The following MYOM1 variants were observed in gnomAD, a reference collection of about 807,000 sequenced individuals.
The protein encoded by MYOM1 is myomesin 1.
MYOM1 carries 164 observed loss-of-function variants against 205.3 expected under a neutral mutation model. The ratio of observed to expected loss-of-function variants is 0.80; its 90% CI spans 0.70 to 0.91. The LOEUF (loss-of-function observed/expected upper bound fraction) is 0.91, where lower values mean the gene tolerates loss of function less well. Among genes scored for constraint, MYOM1 ranks in the 40% least tolerant of loss-of-function variants. The pLI, the probability that MYOM1 is intolerant of heterozygous loss-of-function variation, is 0.00. For synonymous variants in MYOM1, 772 were observed against 789.4 expected, an observed-to-expected ratio of 0.98 and a Z score of 0.37; for missense variants, 2,011 against 2,127.3, an observed-to-expected ratio of 0.95 and a Z score of 1.08.
At chr18:3,086,177 T>C in intron 29 of MYOM1, 26 bp from the exon 30 acceptor site, 1 of 1,447,384 alleles carries the variant, frequency 6.9e-7, no homozygotes, top group African/African-American at 1.4e-5. Flanking sequence ...TAATTACTTT[T>C]CTTAAAATAA....
At chr18:3,194,025 G>A (rs2080958554) in intron 2 of MYOM1, 67 bp from the exon 3 acceptor site, 1 of 1,524,630 alleles carries the variant, frequency 6.6e-7, no homozygotes, top group South Asian at 1.2e-5. Flanking sequence ...AAATACGATA[G>A]AGGAAGTTTT....
At chr18:3,190,254 G>A (rs985452141) in intron 3 of MYOM1, 2 of 152,120 alleles carry the variant, frequency 1.3e-5, no homozygotes, top group African/African-American at 4.8e-5. Context: ...CAAATGTTTC[G>A]TGAGAGAGTG....
At chr18:3,240,553 G>A in the MYOM1 span, among the ~76,000 whole-genome samples, 1 of 152,216 alleles carries the variant, frequency 6.6e-6, no homozygotes, top group African/African-American at 2.4e-5. Context: ...ACATGGAAAT[G>A]TAAGTCCACT....
intron 31 of MYOM1, among the ~76,000 whole-genome samples, 174 bp from the exon 32 acceptor site, chr18:3,084,201 C>T (rs2079123118): frequency 6.6e-6 from 1 of 152,122 alleles, no homozygotes; most frequent in African/African-American, 2.4e-5. Flanking sequence ...TCAATTTTAT[C>T]AGGTTTTAAA....
At position 3,187,554 on chromosome 18, in the gene MYOM1, G is replaced by C. The variant is rs1264856298; in HGVS notation, c.855C>G (p.Ser285=). 3.7e-6 allele frequency: 6 copies of C among 1,613,824 alleles called. No homozygotes were observed. Among genetic ancestry groups the C allele is most frequent in the Non-Finnish European group, 5.1e-6 (6 of 1,179,826 alleles). ...HAPEFIIKPR[S]HTVWEKENVK... is the part of the protein sequence containing the mutation. ...CATTCTCCTTCTCCCAAACCGTGTG[G>C]GAGCGAGGTTTAATGATAAACTCAG... The change falls in exon 5 of 38, where the codon TCC becomes TCG. Residue 285 remains serine, a synonymous_variant. Transcript: ENST00000356443.
intron 5 of MYOM1, among the ~76,000 whole-genome samples, chr18:3,182,626 G>C (rs184691526): frequency 6.3e-4 from 96 of 152,176 alleles, no homozygotes; most frequent in African/African-American, 2.2e-3. Flanking sequence ...CTTTGACAAG[G>C]CTCCCCCTCA....
the MYOM1 span, among the ~76,000 whole-genome samples, chr18:3,238,309 C>T: frequency 1.1e-4 from 17 of 152,186 alleles, 1 homozygote; most frequent in South Asian, 1.7e-3. Context: ...ACAGAGCTCA[C>T]GCAGTAATGT....
chr18:3,184,916 C>T (rs1178266611), intron 5 of MYOM1, among the ~76,000 whole-genome samples: 2 of 152,184 alleles, frequency 1.3e-5, no homozygotes, highest in African/African-American at 2.4e-5. Flanking sequence ...AGGACATAAA[C>T]TTCACATGTA....
chr18:3,221,026 T>C (rs918304489), upstream of MYOM1, among the ~76,000 whole-genome samples: 2 of 152,192 alleles, frequency 1.3e-5, no homozygotes, highest in Non-Finnish European at 2.9e-5. Context: ...CTATCAAAAT[T>C]GTTTTTCTTT....
chr18:3,110,739 T>A (rs1042844933), intron 22 of MYOM1, among the ~76,000 whole-genome samples: 2 of 36,246 alleles, frequency 5.5e-5, no homozygotes, highest in Non-Finnish European at 1.0e-4. Context: ...TTCTTTTTTT[T>A]CTTTTTTTTT....
chr18:3,129,480 T>A lies in MYOM1; in HGVS notation c.2546A>T (p.Asp849Val). ...GGAGGCGGTTAGTCCACCAGGCTCA[T>A]CGCTCAGTGCGGGACACACATCTGG... is the stretch of plus-strand genomic sequence containing the variant. ...VSPDVCPALS[D>V]EPGGLTASRG... Residue 849 changes from aspartate (D) to valine (V), a missense_variant, in exon 18 of 38, where the codon GAT becomes GTT. Physicochemically the swap from Asp to Val is radical, Grantham distance 152. Transcript: ENST00000356443. The A allele has an allele frequency of 6.2e-7, 1 of 1,613,864 alleles. No individual in the cohort carries two copies. The highest frequency in any genetic ancestry group is 8.5e-7 in the Non-Finnish European group (1 of 1,179,834).
Position 3,119,479 on chromosome 18 carries a change from G to A in MYOM1, c.3118+390C>T, listed in dbSNP as rs760870951. 4.6e-5 allele frequency among the ~76,000 whole-genome samples: 7 copies of A among 152,294 alleles called. No homozygotes were observed. The South Asian group carries it at 1.5e-3, about 32-fold the overall frequency. On this transcript the variant is annotated intron_variant, in intron 20 of 37. Transcript: ENST00000356443. ...CAATATATGAGAACAAAGAAGTGCA[G>A]GGAGAAGTGTTTGAGAAATTTTGCT...
At chr18:3,205,586 G>C (rs540794743) in intron 2 of MYOM1, among the ~76,000 whole-genome samples, 1 of 152,214 alleles carries the variant, frequency 6.6e-6, no homozygotes, top group South Asian at 2.1e-4. Flanking sequence ...ACAAGGATGT[G>C]GATAAACTAG....
chr18:3,151,597 C>T, intron 12 of MYOM1, 97 bp downstream of exon 12: 1 of 1,063,768 alleles, frequency 9.4e-7, no homozygotes, highest in East Asian at 2.5e-5. Context: ...TTGTCTCCCT[C>T]TAGTGGAAGG....
chr18:3,161,640 C>A (rs961170166), intron 10 of MYOM1, among the ~76,000 whole-genome samples: 1 of 152,218 alleles, frequency 6.6e-6, no homozygotes, highest in Non-Finnish European at 1.5e-5. Flanking sequence ...GAAGAGGCAT[C>A]TGGATCATAC....
rs2079335311 is a variant in MYOM1 at position 3,098,492 on chromosome 18, T to C, written c.3727+1667A>G. ...TGGGGTTTCACTATGTTGGTCAGGC[T>C]GGTCTTGAACTCCTGACCTCATGAT... On this transcript the variant is annotated intron_variant, in intron 25 of 37. Transcript: ENST00000356443. Among the ~76,000 whole-genome samples, 2 of 152,056 alleles carry C rather than the reference T, an allele frequency of 1.3e-5. 1 individual carries two copies. The highest frequency in any genetic ancestry group is 4.2e-4 in the South Asian group (2 of 4,816).
rs752489961 is a variant in MYOM1, at chr18:3,215,113, G to A, written c.111C>T (p.Ala37=). ...SHYQREKKRS[A]VYTQGSTAYS... Reference sequence around the variant, plus strand: ...AGGCCGTGGAGCCCTGGGTGTAGACGGCGGAGCGTTTCTTCTCCCGCTGGT... The same window carrying A: ...AGGCCGTGGAGCCCTGGGTGTAGACAGCGGAGCGTTTCTTCTCCCGCTGGT... The change falls in exon 2 of 38, where the codon GCC becomes GCT. Residue 37 remains alanine (A), a synonymous_variant. Transcript: ENST00000356443. 3 of 1,613,636 alleles carry A rather than the reference G, an allele frequency of 1.9e-6. No homozygotes were observed. The Admixed American group carries it at 5.0e-5, about 27-fold the overall frequency.
chr18:3,200,025 A>G (rs1447218498), intron 2 of MYOM1, among the ~76,000 whole-genome samples: 1 of 152,144 alleles, frequency 6.6e-6, no homozygotes, highest in African/African-American at 2.4e-5. Flanking sequence ...GAATTTAAAA[A>G]ACAAAACAAA....
chr18:3,238,020 A>G, the MYOM1 span, among the ~76,000 whole-genome samples: 2 of 152,090 alleles, frequency 1.3e-5, no homozygotes, highest in Non-Finnish European at 2.9e-5. Flanking sequence ...GAATGATTCA[A>G]CTCATTACAT....
Sources: allele counts gnomAD v4.1 joint callset (sites outside exome capture counted in the v4.1 genomes callset), GRCh38; gene constraint gnomAD v4.1.1; transcripts MANE v1.5; gene names NCBI Gene and HGNC (gene_info 2026-07-23, HGNC 2026-07-21).